DPYD: variants seen among roughly 807,000 people sequenced by gnomAD.
DPYD encodes the protein dihydropyrimidine dehydrogenase [NADP(+)].
DPYD carries 109 observed loss-of-function variants against 116.2 expected under a neutral mutation model. The ratio of observed to expected loss-of-function variants is 0.94; its 90% CI spans 0.80 to 1.10. DPYD has a LOEUF of 1.10. Among genes scored for constraint, DPYD ranks in the 50% least tolerant of loss-of-function variants. The pLI is 0.00. For synonymous variants in DPYD, 440 were observed against 432.0 expected, an observed-to-expected ratio of 1.02 and a Z score of -0.23; for missense variants, 1,302 against 1,254.5, an observed-to-expected ratio of 1.04 and a Z score of -0.57.
In DPYD at chr1:97,921,010, A is replaced by G. The variant is rs531689464; in HGVS notation, c.-88T>C. ...CAGAGAGCCAAGTGACAGCAGCCGG[A>G]GCGCGAGTCGAAAACAGGCAGACTA... On this transcript the variant is annotated 5_prime_UTR_variant, in exon 1 of 23. Coordinates refer to ENST00000370192, the MANE Select transcript of DPYD (RefSeq NM_000110.4). 2.6e-6 allele frequency: 4 copies of G among 1,518,836 alleles called. No individual in the cohort carries two copies. Among genetic ancestry groups the G allele is most frequent in the African/African-American group, 1.4e-5 (1 of 72,172 alleles). 94.1% of individuals were successfully genotyped at this position (1,518,836 alleles called of 1,614,324 possible). A position where few individuals can be genotyped will look rare whatever the true frequency, so the allele number is the denominator to read the frequency against.
intron 16 of DPYD, among the ~76,000 whole-genome samples, chr1:97,323,281 T>TTTATATAC (rs1668427078): frequency 5.4e-5 from 8 of 146,894 alleles, no homozygotes; most frequent in African/African-American, 2.0e-4. Flanking sequence ...TATGTACACG[T>TTTATATAC]ATATATACAT....
chr1:97,484,058 A>G (rs1036580065), intron 13 of DPYD, among the ~76,000 whole-genome samples: 1 of 152,202 alleles, frequency 6.6e-6, no homozygotes, highest in African/African-American at 2.4e-5. Context: ...TAATCACAGC[A>G]CTTTGGGAGG....
chr1:97,471,731 A>G (rs1324585804), intron 13 of DPYD, among the ~76,000 whole-genome samples: 1 of 151,930 alleles, frequency 6.6e-6, no homozygotes, highest in Non-Finnish European at 1.5e-5. Context: ...CTGGGATTAC[A>G]GGCGCCCACC....
chr1:97,497,802 A>G (rs2101921234), intron 13 of DPYD, among the ~76,000 whole-genome samples: 1 of 151,910 alleles, frequency 6.6e-6, no homozygotes, highest in Admixed American at 6.6e-5. Context: ...TAGAGTTACC[A>G]TATTACCCAG....
chr1:97,796,138 T>C (rs1489421409), intron 3 of DPYD, among the ~76,000 whole-genome samples: 1 of 152,100 alleles, frequency 6.6e-6, no homozygotes, highest in Admixed American at 6.6e-5. Flanking sequence ...ACAATGATCA[T>C]AATAGCTTAA....
intron 2 of DPYD, among the ~76,000 whole-genome samples, chr1:97,874,921 T>C (rs1025343498): frequency 6.6e-6 from 1 of 151,934 alleles, no homozygotes; most frequent in East Asian, 1.9e-4. Context: ...ATACAAACTT[T>C]CTTATCAGAT....
chr1:97,359,154 T>G (rs1670583032), intron 16 of DPYD, among the ~76,000 whole-genome samples: 1 of 152,040 alleles, frequency 6.6e-6, no homozygotes, highest in African/African-American at 2.4e-5. Context: ...ACACGAGAAC[T>G]ACGTGACACA....
chr1:97,467,909 C>T (rs1677420273), intron 13 of DPYD, among the ~76,000 whole-genome samples: 1 of 152,126 alleles, frequency 6.6e-6, no homozygotes, highest in South Asian at 2.1e-4. Context: ...GGGAACAGAT[C>T]TAGAAAAGAA....
chr1:97,079,877 C>G (rs1319667671), intron 22 of DPYD, among the ~76,000 whole-genome samples: 1 of 151,942 alleles, frequency 6.6e-6, no homozygotes, highest in African/African-American at 2.4e-5. Flanking sequence ...TTCCCTCCCT[C>G]CCTTCCTCCC....
chr1:97,376,380 A>T (rs1296520223), intron 15 of DPYD, among the ~76,000 whole-genome samples: 1 of 152,094 alleles, frequency 6.6e-6, no homozygotes, highest in Non-Finnish European at 1.5e-5. Flanking sequence ...TCAATATAAA[A>T]TTTTTTCACT....
At chr1:97,177,906 C>T (rs6661442) in intron 20 of DPYD, among the ~76,000 whole-genome samples, 100,876 of 151,868 alleles carry the variant, frequency 0.66, 34,132 homozygotes, top group East Asian at 0.99. Context: ...TATCTGGGGG[C>T]GGCCTGCTTC....
chr1:97,344,186 AAAAG>A lies in DPYD; in HGVS notation c.2058+29371_2058+29374del, dbSNP rs930968264. Among the ~76,000 whole-genome samples, 6 of 151,930 alleles carry A rather than the reference AAAAG, an allele frequency of 3.9e-5. No individual in the cohort carries two copies. The East Asian group carries it at 7.7e-4, about 20-fold the overall frequency. On this transcript the variant is annotated intron_variant, in intron 16 of 22. Transcript: ENST00000370192. ...TGGTCATTATTTCTTAAAAATAAAAAAAAGAGAGAGAGAGAGAGAGAATCTCGCC... is the reference window on the plus strand; with the variant it reads ...TGGTCATTATTTCTTAAAAATAAAAAAGAGAGAGAGAGAGAGAATCTCGCC...
chr1:97,130,871 CTTCCTTCCTTCCTTCT>C (rs1557881064), intron 20 of DPYD, among the ~76,000 whole-genome samples: 4 of 138,984 alleles, frequency 2.9e-5, no homozygotes, highest in African/African-American at 8.2e-5. Flanking sequence ...TCCTTCCTTC[CTTCCTTCCTTCCTTCT>C]TTCCTCCCTC....
chr1:97,080,285 T>A (rs1271377401), intron 22 of DPYD, among the ~76,000 whole-genome samples: 1 of 152,052 alleles, frequency 6.6e-6, no homozygotes, highest in Admixed American at 6.6e-5. Flanking sequence ...GGTCTACAAA[T>A]CTTACATTTT....
At chr1:97,663,679 A>G (rs1406689240) in intron 8 of DPYD, among the ~76,000 whole-genome samples, 1 of 152,202 alleles carries the variant, frequency 6.6e-6, no homozygotes, top group African/African-American at 2.4e-5. Flanking sequence ...TAAACACTCA[A>G]TAACTACAGA....
rs561030737 is a variant in DPYD at position 97,768,662 on chromosome 1, A to G, written c.234-28183T>C. Among the ~76,000 whole-genome samples, 3 of 152,296 alleles carry G rather than the reference A, an allele frequency of 2.0e-5. No individual in the cohort carries two copies. In the South Asian group the frequency reaches 6.2e-4, roughly 32 times the overall value. Reference sequence around the variant, plus strand: ...ATAAAAGCTAAATTTCTGCTACAAGATGCATAAATGCTCCACATTTTTTGC... The same window carrying G: ...ATAAAAGCTAAATTTCTGCTACAAGGTGCATAAATGCTCCACATTTTTTGC... On this transcript the variant is annotated intron_variant, in intron 3 of 22. Coordinates refer to ENST00000370192, the MANE Select transcript of DPYD (RefSeq NM_000110.4).
At chr1:97,479,191 G>A (rs906531671) in intron 13 of DPYD, among the ~76,000 whole-genome samples, 4 of 152,190 alleles carry the variant, frequency 2.6e-5, no homozygotes, top group African/African-American at 9.7e-5. Context: ...TTGGCTAACT[G>A]TTTGGTGCAA....
At chr1:97,736,460 C>A (rs1663949565) in intron 4 of DPYD, among the ~76,000 whole-genome samples, 2 of 151,348 alleles carry the variant, frequency 1.3e-5, no homozygotes, top group Admixed American at 1.3e-4. Context: ...GAACGGCTTC[C>A]ACATGGAAAT....
intron 3 of DPYD, among the ~76,000 whole-genome samples, chr1:97,793,288 T>A (rs932439526): frequency 6.6e-6 from 1 of 152,196 alleles, no homozygotes; most frequent in Middle Eastern, 3.2e-3. Flanking sequence ...GTGATTCACC[T>A]CAAATTGATA....
Sources: allele counts gnomAD v4.1 joint callset (sites outside exome capture counted in the v4.1 genomes callset), GRCh38; gene constraint gnomAD v4.1.1; transcripts MANE v1.5; gene names NCBI Gene and HGNC (gene_info 2026-07-23, HGNC 2026-07-21).